SUPT20H: variants seen among roughly 807,000 people sequenced by gnomAD.
The protein encoded by SUPT20H is SPT20 homolog, SAGA complex component.
A neutral mutation model predicts 122.8 loss-of-function variants in SUPT20H; 82 were observed. The ratio of observed to expected loss-of-function variants is 0.67; its 90% confidence interval spans 0.56 to 0.80. The LOEUF is 0.80. Among genes scored for constraint, SUPT20H ranks in the 30% least tolerant of loss-of-function variants. SUPT20H has a pLI of 0.00. For missense variants in SUPT20H, 831 were observed against 921.6 expected (o/e 0.90, Z 1.27); for synonymous variants, 291 against 313.0 (o/e 0.93, Z 0.74).
rs369917883 is a variant in SUPT20H at position 37,048,726 on chromosome 13, T to C, written c.4-127A>G. On this transcript the variant is annotated intron_variant, in intron 2 of 25. Coordinates refer to ENST00000350612, the MANE Select transcript of SUPT20H (RefSeq NM_001014286.3). ...ATTTTCCTTTATTTGTCTCCTCCAC[T>C]CCACTCTATGATCAATATATATATA... 3.0e-4 allele frequency: 203 copies of C among 680,934 alleles called. 1 individual carries two copies. Among genetic ancestry groups the C allele is most frequent in the African/African-American group, 2.8e-3 (151 of 53,452 alleles). 42.2% of individuals were successfully genotyped at this position (680,934 alleles called of 1,614,324 possible).
intron 21 of SUPT20H, among the ~76,000 whole-genome samples, chr13:37,020,094 G>C (rs2061245836): frequency 6.6e-6 from 1 of 152,030 alleles, no homozygotes. Context: ...TTCTAGCTTA[G>C]GCTGTGTGCT....
At chr13:37,040,723 T>G (rs2065315496) in intron 7 of SUPT20H, 31 bp from the exon 8 acceptor site, 1 of 1,570,354 alleles carries the variant, frequency 6.4e-7, no homozygotes, top group African/African-American at 1.4e-5. Context: ...AAACGTCATT[T>G]TTTTTTCCAA....
chr13:37,054,667 A>G lies in SUPT20H; in HGVS notation c.-93-3084T>C, dbSNP rs1467062034. On this transcript the variant is annotated intron_variant, in intron 1 of 25. Transcript: ENST00000350612. The stretch of plus-strand genomic sequence containing the variant: ...AAACCCACAGCCAATATCATACTGA[A>G]TGGGCAAAAACTGGAAGCATTCCCT... Among the ~76,000 whole-genome samples, 5 of 152,346 alleles carry G rather than the reference A, an allele frequency of 3.3e-5. No homozygotes were observed. The East Asian group carries it at 9.6e-4, about 29-fold the overall frequency.
chr13:37,049,957 G>C (rs987870893), intron 2 of SUPT20H, among the ~76,000 whole-genome samples: 1 of 151,990 alleles, frequency 6.6e-6, no homozygotes, highest in African/African-American at 2.4e-5. Flanking sequence ...AATTGCATGT[G>C]GGTAAAAACT....
rs535181099 is a variant in SUPT20H at position 37,020,205 on chromosome 13, A to ATT, written c.1817-810_1817-809dup. Among the ~76,000 whole-genome samples, 303 of 146,824 alleles carry ATT rather than the reference A, an allele frequency of 2.1e-3. 2 individuals carry two copies. The highest frequency in any genetic ancestry group is 3.1e-3 in the Non-Finnish European group (206 of 66,336). ...AATGTATCTAGTTCTCTATCATATC[A>ATT]TTTTTTTTTTTTAAAGATTTAAGGG... On this transcript the variant is annotated intron_variant, in intron 21 of 25. Transcript: ENST00000350612.
At chr13:37,017,516 TA>T (rs778372970) in intron 22 of SUPT20H, 152 bp from the exon 23 acceptor site, 103 of 789,646 alleles carry the variant, frequency 1.3e-4, no homozygotes, top group Admixed American at 1.6e-4. Flanking sequence ...TGGCTGCCCT[TA>T]AAAAAAAGAC....
rs1279947670 is a variant in SUPT20H at position 37,029,810 on chromosome 13, C to A, written c.948G>T (p.Lys316Asn). The A allele has an allele frequency of 1.9e-6, 3 of 1,601,438 alleles. No individual in the cohort carries two copies. Among genetic ancestry groups the A allele is most frequent in the Non-Finnish European group, 2.6e-6 (3 of 1,174,824 alleles). The change falls in exon 13 of 26, where the codon AAG becomes AAT. Residue 316 changes from lysine (K) to asparagine (N), a missense_variant. Physicochemically the swap from Lys to Asn is moderately conservative, Grantham distance 94. Transcript: ENST00000350612. ...VDVEKYAKVEKSIKSDDSQPT... is the reference protein window; with the variant it reads ...VDVEKYAKVENSIKSDDSQPT... ...GCTGTGAGTCATCAGATTTGATAGA[C>A]TTTTCCACTTTAGCATATTTCTCCA...
At chr13:37,057,953 G>A (rs149401989) in intron 1 of SUPT20H, among the ~76,000 whole-genome samples, 1,252 of 118,734 alleles carry the variant, frequency 0.011, 18 homozygotes, top group African/African-American at 0.039. Context: ...CAGCCTGGAC[G>A]ACATAGAGAG....
chr13:37,028,872 A>G (rs1278245950), intron 13 of SUPT20H, among the ~76,000 whole-genome samples: 4 of 151,214 alleles, frequency 2.6e-5, no homozygotes, highest in Non-Finnish European at 4.4e-5. Flanking sequence ...GTACTCTGGG[A>G]ATGAGAGTTT....
intron 19 of SUPT20H, chr13:37,023,106 G>A (rs2061643599): frequency 1.6e-6 from 2 of 1,240,404 alleles, no homozygotes; most frequent in Non-Finnish European, 2.1e-6. Flanking sequence ...CTTACTTAAA[G>A]TAACAACTGT....
intron 22 of SUPT20H, 93 bp downstream of exon 22, chr13:37,019,249 A>C (rs2061064378): frequency 1.1e-6 from 1 of 898,024 alleles, no homozygotes; most frequent in Non-Finnish European, 1.7e-6. Context: ...AACAGACCTC[A>C]GAATTTCAAG....
At chr13:37,020,746 C>T (rs2061355398) in intron 21 of SUPT20H, among the ~76,000 whole-genome samples, 1 of 151,912 alleles carries the variant, frequency 6.6e-6, no homozygotes, top group African/African-American at 2.4e-5. Flanking sequence ...ATTGTTTTTC[C>T]TATTACATTT....
intron 4 of SUPT20H, 84 bp downstream of exon 4, chr13:37,047,794 C>G: frequency 7.2e-7 from 1 of 1,388,108 alleles, no homozygotes; most frequent in Non-Finnish European, 9.7e-7. Context: ...AAATTTCTAG[C>G]TCAGTCCCTA....
At chr13:37,023,078 A>G in intron 19 of SUPT20H, 2 of 1,276,666 alleles carry the variant, frequency 1.6e-6, no homozygotes, top group Non-Finnish European at 1.0e-6. Flanking sequence ...GTGAATGTCC[A>G]GAAGCTGTCA....
At chr13:37,058,384 T>C (rs1365780950) in intron 1 of SUPT20H, among the ~76,000 whole-genome samples, 2 of 152,144 alleles carry the variant, frequency 1.3e-5, no homozygotes, top group South Asian at 2.1e-4. Context: ...GAAAAGCTCG[T>C]AGGAGGTTTA....
intron 23 of SUPT20H, among the ~76,000 whole-genome samples, chr13:37,016,710 A>AT (rs2060568763): frequency 1.3e-5 from 2 of 152,064 alleles, no homozygotes; most frequent in African/African-American, 2.4e-5. Flanking sequence ...AGGAATCAAT[A>AT]TTTTTTTAAT....
rs2061575845 is a variant in SUPT20H at position 37,022,488 on chromosome 13, C to T, written c.1592-408G>A. 16 of 1,251,158 alleles carry T rather than the reference C, an allele frequency of 1.3e-5. No individual in the cohort carries two copies. The highest frequency in any genetic ancestry group is 3.1e-5 in the East Asian group (1 of 32,646). The allele number at this position is 1,251,158 out of a possible 1,614,324, so 77.5% of individuals were successfully genotyped here. A position where few individuals can be genotyped will look rare whatever the true frequency, so the allele number is the denominator to read the frequency against. ...CATGATACATGAGTGTTGCTACACT[C>T]AATTACAATTAAGGATGCAGTATAT... On this transcript the variant is annotated intron_variant, in intron 19 of 25. Transcript: ENST00000350612. The surrounding 1 kb of genome is among the most constrained non-coding windows in gnomAD (Gnocchi z 4.5).
intron 20 of SUPT20H, 64 bp from the exon 21 acceptor site, chr13:37,021,666 C>T (rs1415826529): frequency 3.3e-6 from 5 of 1,496,460 alleles, no homozygotes; most frequent in South Asian, 1.3e-5. Context: ...CCACACAATT[C>T]CTCAGATTAA....
Position 37,026,789 on chromosome 13 carries a change from C to T in SUPT20H, c.1178+1G>A. 2 of 1,412,588 alleles carry T rather than the reference C, an allele frequency of 1.4e-6. No homozygotes were observed. The highest frequency in any genetic ancestry group is 1.5e-5 in the South Asian group (1 of 67,910). The allele number at this position is 1,412,588 out of a possible 1,614,324, so 87.5% of individuals were successfully genotyped here. On this transcript the variant is annotated splice_donor_variant, in intron 15 of 25. Transcript: ENST00000350612. LOFTEE classifies it high-confidence loss of function. ...ATTAAAATAGTTTATTTTTTAATTA[C>T]CAATTTGAATGATCATCTGTGGACG...
Sources: gnomAD v4.1 joint callset for allele counts (sites outside exome capture counted in the v4.1 genomes callset) on GRCh38, gnomAD v4.1.1 for gene constraint, Gnocchi (gnomAD v3.1) non-coding constraint, MANE v1.5 for transcripts, NCBI Gene and HGNC (gene_info 2026-07-23, HGNC 2026-07-21) for gene names.